TAOK3: variants seen among roughly 807,000 people sequenced by gnomAD.
The protein encoded by TAOK3 is TAO kinase 3.
A neutral mutation model predicts 120.4 loss-of-function variants in TAOK3; 40 were observed. The ratio of observed to expected loss-of-function variants is 0.33; its 90% CI spans 0.26 to 0.43. TAOK3 has a LOEUF of 0.43. Ranked by LOEUF, TAOK3 falls within the 20% of genes least tolerant of loss-of-function variation. The probability of loss-of-function intolerance (pLI) is 1.00; values close to 1 mark genes in which losing one functional copy is unlikely to be tolerated. For synonymous variants in TAOK3, 355 were observed against 387.5 expected, an observed-to-expected ratio of 0.92 and a Z score of 0.99; for missense variants, 821 against 1,112.1, an observed-to-expected ratio of 0.74 and a Z score of 3.72.
At chr12:118,162,549 T>C (rs532696810) in intron 17 of TAOK3, among the ~76,000 whole-genome samples, 43 of 152,314 alleles carry the variant, frequency 2.8e-4, no homozygotes, top group Admixed American at 5.9e-4. Flanking sequence ...AGATTGAGAA[T>C]TAAACTGATA....
At chr12:118,223,145 C>G (rs919940221) in intron 9 of TAOK3, among the ~76,000 whole-genome samples, 4 of 148,604 alleles carry the variant, frequency 2.7e-5, no homozygotes, top group African/African-American at 1.0e-4. Context: ...TCTCGGCTCA[C>G]TGCAAGCTCT....
chr12:118,170,444 T>C (rs2035928892), intron 17 of TAOK3, among the ~76,000 whole-genome samples: 1 of 152,110 alleles, frequency 6.6e-6, no homozygotes, highest in East Asian at 1.9e-4. Context: ...AGTACAATTT[T>C]AGCCATATCA....
chr12:118,151,039 C>A lies in TAOK3; in HGVS notation c.2655G>T (p.Gly885=). 6.2e-7 allele frequency: 1 copy of A among 1,607,804 alleles called. No individual in the cohort carries two copies. The highest frequency in any genetic ancestry group is 1.1e-5 in the South Asian group (1 of 90,904). ...FDMESLRMGF[G]NLVTLDFPKE... ...TAGGAAAATCTAATGTAACCAAATT[C>A]CCAAATCCCATTCTGAGGCTCTCCA... The change falls in exon 21 of 21, where the codon GGG becomes GGT. Residue 885 remains glycine (G), a synonymous_variant. Transcript: ENST00000392533.
At chr12:118,177,366 T>C (rs768229011) in intron 15 of TAOK3, 37 bp from the exon 16 acceptor site, 4 of 1,603,538 alleles carry the variant, frequency 2.5e-6, no homozygotes, top group South Asian at 1.1e-5. Context: ...GATGAATCTA[T>C]TCTTTACACA....
intron 19 of TAOK3, among the ~76,000 whole-genome samples, chr12:118,158,087 A>T (rs1488488920): frequency 6.6e-6 from 1 of 152,200 alleles, no homozygotes; most frequent in Non-Finnish European, 1.5e-5. Flanking sequence ...CTCAAAGTTT[A>T]TTCTTCTAAT....
chr12:118,176,154 C>T (rs1027276866), intron 16 of TAOK3, among the ~76,000 whole-genome samples: 7 of 152,088 alleles, frequency 4.6e-5, no homozygotes, highest in Non-Finnish European at 1.0e-4. Context: ...TAACCAATCC[C>T]GCATTGCACA....
intron 6 of TAOK3, among the ~76,000 whole-genome samples, chr12:118,238,775 T>C (rs1284172876): frequency 6.6e-6 from 1 of 152,052 alleles, no homozygotes; most frequent in Non-Finnish European, 1.5e-5. Context: ...GCTGGTATTA[T>C]AGGTGTTAGC....
At chr12:118,242,532 G>A (rs559993067) in intron 5 of TAOK3, among the ~76,000 whole-genome samples, 1 of 152,230 alleles carries the variant, frequency 6.6e-6, no homozygotes, top group East Asian at 1.9e-4. Context: ...TGTGCCTAAT[G>A]TGCCAACCTA....
chr12:118,330,524 G>A (rs1261936958), intron 1 of TAOK3, among the ~76,000 whole-genome samples: 1 of 152,140 alleles, frequency 6.6e-6, no homozygotes, highest in Non-Finnish European at 1.5e-5. Flanking sequence ...TATGGTGTAA[G>A]TGTATGTGCG....
Position 118,252,206 on chromosome 12 carries a change from T to C in TAOK3, c.120+3242A>G, listed in dbSNP as rs900552938. On this transcript the variant is annotated intron_variant, in intron 3 of 20. Transcript: ENST00000392533. ...AGAAGATGAATTAGATTTAAAATAA[T>C]AGAAGAAAAGAAAGCAAAGATGACA... is the stretch of plus-strand genomic sequence containing the variant. Among the ~76,000 whole-genome samples the C allele has an allele frequency of 5.9e-5, 9 of 152,194 alleles. No homozygotes were observed. The East Asian group carries it at 1.4e-3, about 23-fold the overall frequency.
chr12:118,238,223 T>G (rs2040100445), intron 6 of TAOK3, 54 bp from the exon 7 acceptor site: 1 of 1,108,188 alleles, frequency 9.0e-7, no homozygotes, highest in South Asian at 1.3e-5. Context: ...TTCCTCATTT[T>G]ATTATTTTAT....
chr12:118,231,414 C>G (rs1345211284), intron 9 of TAOK3, among the ~76,000 whole-genome samples: 4 of 150,312 alleles, frequency 2.7e-5, no homozygotes, highest in African/African-American at 9.8e-5. Context: ...AAAAAAAAAT[C>G]CAGATAAATT....
At chr12:118,271,321 G>A (rs1166065166) in intron 1 of TAOK3, among the ~76,000 whole-genome samples, 1 of 151,946 alleles carries the variant, frequency 6.6e-6, no homozygotes, top group East Asian at 1.9e-4. Flanking sequence ...ATACCCTTTA[G>A]CTATTACCCC....
At chr12:118,309,189 C>T (rs553501549) in intron 1 of TAOK3, among the ~76,000 whole-genome samples, 29 of 151,592 alleles carry the variant, frequency 1.9e-4, no homozygotes, top group South Asian at 1.0e-3. Context: ...ATAAGCTGGG[C>T]GTGGTGCTGC....
At chr12:118,325,572 A>AT (rs1301377435) in intron 1 of TAOK3, among the ~76,000 whole-genome samples, 17 of 151,784 alleles carry the variant, frequency 1.1e-4, no homozygotes, top group African/African-American at 3.6e-4. Context: ...TTAAAATCAG[A>AT]TTTTTTCTCT....
chr12:118,320,861 A>G (rs1176453121), intron 1 of TAOK3, among the ~76,000 whole-genome samples: 1 of 152,210 alleles, frequency 6.6e-6, no homozygotes, highest in African/African-American at 2.4e-5. Flanking sequence ...TTTGTAATAG[A>G]AAACATTTGG....
rs75644537 is a variant in TAOK3 at position 118,251,739 on chromosome 12, T to C, written c.120+3709A>G. 8.6e-3 allele frequency among the ~76,000 whole-genome samples: 1,312 copies of C among 152,256 alleles called. 12 individuals are homozygous for C. The highest frequency in any genetic ancestry group is 0.029 in the African/African-American group (1,208 of 41,532). ...AACGTAGGTCTCATTTTGCCACTATTATAAATGGCTTTTAGTAAGTTTCAA... is the reference window on the plus strand; with the variant it reads ...AACGTAGGTCTCATTTTGCCACTATCATAAATGGCTTTTAGTAAGTTTCAA... On this transcript the variant is annotated intron_variant, in intron 3 of 20. Coordinates refer to ENST00000392533, the MANE Select transcript of TAOK3 (RefSeq NM_016281.4).
chr12:118,251,590 C>A (rs1437955644), intron 3 of TAOK3, among the ~76,000 whole-genome samples: 3 of 152,112 alleles, frequency 2.0e-5, no homozygotes, highest in African/African-American at 7.2e-5. Flanking sequence ...ATCGTGCCAG[C>A]CTTTAGAGTT....
At chr12:118,163,550 T>A (rs2035367148) in intron 17 of TAOK3, among the ~76,000 whole-genome samples, 1 of 150,188 alleles carries the variant, frequency 6.7e-6, no homozygotes. Context: ...CAAAATGCTG[T>A]GATTATAGGC....
Sources: allele counts gnomAD v4.1 joint callset (sites outside exome capture counted in the v4.1 genomes callset), GRCh38; gene constraint gnomAD v4.1.1; transcripts MANE v1.5; gene names NCBI Gene and HGNC (gene_info 2026-07-23, HGNC 2026-07-21).